ABCD3: variants seen among roughly 807,000 people sequenced by gnomAD.
ABCD3 encodes ATP binding cassette subfamily D member 3, also known as ATP-binding cassette sub-family D member 3.
ABCD3 carries 41 observed loss-of-function variants against 105.5 expected under a neutral mutation model. The ratio of observed to expected loss-of-function variants is 0.39; its 90% CI spans 0.30 to 0.50. The LOEUF (loss-of-function observed/expected upper bound fraction) is 0.50, where lower values mean the gene tolerates loss of function less well. Among genes scored for constraint, ABCD3 ranks in the 20% least tolerant of loss-of-function variants. The pLI is 0.84. For missense variants in ABCD3, 622 were observed against 806.3 expected (o/e 0.77, Z 2.77); for synonymous variants, 258 against 269.0 (o/e 0.96, Z 0.40).
At chr1:94,408,254 T>A in the ABCD3 span, among the ~76,000 whole-genome samples, 2 of 152,040 alleles carry the variant, frequency 1.3e-5, no homozygotes, top group Non-Finnish European at 2.9e-5. Context: ...AAAGACAATA[T>A]ACACCGGGAT....
rs1485714419 is a variant in ABCD3 at position 94,464,885 on chromosome 1, G to T, written c.246+12G>T. 1 of 1,598,794 alleles carries T rather than the reference G, an allele frequency of 6.3e-7. No homozygotes were observed. The highest frequency in any genetic ancestry group is 1.7e-5 in the Admixed American group (1 of 59,962). On this transcript the variant is annotated intron_variant, in intron 3 of 22. Transcript: ENST00000370214. Reference sequence around the variant, plus strand: ...CATTTTGTAAAGAGGTAAGTCTTATGAAATTATAATCTTAAGTATATTGGG... The same window carrying T: ...CATTTTGTAAAGAGGTAAGTCTTATTAAATTATAATCTTAAGTATATTGGG...
chr1:94,400,571 G>C, the ABCD3 span, among the ~76,000 whole-genome samples: 4 of 152,154 alleles, frequency 2.6e-5, no homozygotes, highest in Non-Finnish European at 5.9e-5. Flanking sequence ...AGGCAAAAGA[G>C]AGCAGGAGAA....
intron 1 of ABCD3, among the ~76,000 whole-genome samples, chr1:94,443,969 A>G (rs1207047102): frequency 6.6e-6 from 1 of 152,116 alleles, no homozygotes; most frequent in Non-Finnish European, 1.5e-5. Context: ...AATTTTTCCC[A>G]AAATTAAACT....
chr1:94,432,514 G>C (rs1451598669), intron 1 of ABCD3: 1 of 152,118 alleles, frequency 6.6e-6, no homozygotes, highest in East Asian at 1.9e-4. Context: ...TTTAGACATT[G>C]TTCTAAATGT....
In ABCD3 at chr1:94,487,805, A is replaced by T; in HGVS notation, c.1065+14A>T. ...GAACTTCTAGAGGTAAACTGATGAT[A>T]ATACAATGAAAATGTAACAGTAAAA... On this transcript the variant is annotated intron_variant, in intron 12 of 22. Coordinates refer to ENST00000370214, the MANE Select transcript of ABCD3 (RefSeq NM_002858.4). The T allele has an allele frequency of 6.2e-7, 1 of 1,612,750 alleles. No homozygotes were observed. The highest frequency in any genetic ancestry group is 8.5e-7 in the Non-Finnish European group (1 of 1,178,800).
At chr1:94,424,816 T>C (rs1659400876) in intron 1 of ABCD3, among the ~76,000 whole-genome samples, 1 of 152,244 alleles carries the variant, frequency 6.6e-6, no homozygotes, top group African/African-American at 2.4e-5. Context: ...ATATTTATCT[T>C]GTCTGTTGTA....
intron 21 of ABCD3, among the ~76,000 whole-genome samples, chr1:94,510,945 A>G (rs1301450467): frequency 6.6e-6 from 1 of 152,142 alleles, no homozygotes; most frequent in Non-Finnish European, 1.5e-5. Flanking sequence ...CTCCTTATCC[A>G]ATTTGCCAGT....
At chr1:94,504,997 G>A (rs1650279483) in intron 20 of ABCD3, among the ~76,000 whole-genome samples, 1 of 152,072 alleles carries the variant, frequency 6.6e-6, no homozygotes, top group African/African-American at 2.4e-5. Context: ...AGACCAGGGA[G>A]GACTCCTGGC....
chr1:94,413,683 A>G (rs967089468), upstream of ABCD3, among the ~76,000 whole-genome samples: 3 of 152,034 alleles, frequency 2.0e-5, no homozygotes, highest in Non-Finnish European at 4.4e-5. Context: ...TCCATTTCTA[A>G]TTGGTAAGAG....
In ABCD3 at chr1:94,491,230, C is replaced by G. The variant is rs1228341414; in HGVS notation, c.1369C>G (p.Arg457Gly). 1.9e-6 allele frequency: 3 copies of G among 1,610,934 alleles called. No homozygotes were observed. The highest frequency in any genetic ancestry group is 1.1e-5 in the South Asian group (1 of 90,868). Residue 457 changes from arginine (R) to glycine (G), a missense_variant, in exon 16 of 23, where the codon CGA becomes GGA. Arg to Gly is a moderately radical substitution (Grantham distance 125, BLOSUM62 -2). Transcript: ENST00000370214. ...AACGCCAAATGGAGATGTTTTGATC[C>G]GAGACCTTAATTTTGAAGTAAGTTT... is the stretch of plus-strand genomic sequence containing the variant. The part of the protein sequence containing the change: ...LATPNGDVLI[R>G]DLNFEVRSGA...
intron 10 of ABCD3, among the ~76,000 whole-genome samples, chr1:94,486,166 T>C (rs948903657): frequency 1.3e-5 from 2 of 152,146 alleles, no homozygotes; most frequent in African/African-American, 4.8e-5. Context: ...CACTCCAGCC[T>C]TGGCGACAGA....
At chr1:94,391,555 G>C in the ABCD3 span, among the ~76,000 whole-genome samples, 2 of 152,020 alleles carry the variant, frequency 1.3e-5, no homozygotes, top group Admixed American at 6.6e-5. Context: ...CAATTCCATG[G>C]CAATATCTTC....
intron 8 of ABCD3, among the ~76,000 whole-genome samples, chr1:94,479,947 G>A (rs563594500): frequency 6.6e-6 from 1 of 152,078 alleles, no homozygotes; most frequent in Admixed American, 6.6e-5. Context: ...AGCTCGTTCA[G>A]GGGGAGCTGA....
chr1:94,440,670 C>G (rs904510804), intron 1 of ABCD3, among the ~76,000 whole-genome samples: 2 of 152,196 alleles, frequency 1.3e-5, no homozygotes, highest in Admixed American at 6.5e-5. Context: ...TATTACTTCA[C>G]TCTGCTACCT....
the ABCD3 span, among the ~76,000 whole-genome samples, chr1:94,390,295 A>G: frequency 6.6e-6 from 1 of 151,562 alleles, no homozygotes; most frequent in Non-Finnish European, 1.5e-5. Flanking sequence ...AATTTTTTTT[A>G]TTTTTATTTA....
rs184428293 is a variant in ABCD3, at chr1:94,509,721, G to C, written c.1845+3079G>C. On this transcript the variant is annotated intron_variant, in intron 21 of 22. Transcript: ENST00000370214. ...TTCTTCCTGGTTTAGTCTTGGGAGT[G>C]TGTATGTGTCGAGGAATTTATCCAT... is the stretch of plus-strand genomic sequence containing the variant. 1.1e-4 allele frequency among the ~76,000 whole-genome samples: 16 copies of C among 152,312 alleles called. No individual in the cohort carries two copies. In the East Asian group the frequency reaches 3.1e-3, roughly 29 times the overall value.
At chr1:94,479,072 A>T (rs887443260) in intron 8 of ABCD3, among the ~76,000 whole-genome samples, 11 of 152,176 alleles carry the variant, frequency 7.2e-5, no homozygotes, top group African/African-American at 2.4e-4. Flanking sequence ...TTGATTAATA[A>T]ATTATTTCCA....
chr1:94,509,343 G>A (rs1424192606), intron 21 of ABCD3, among the ~76,000 whole-genome samples: 1 of 152,220 alleles, frequency 6.6e-6, no homozygotes, highest in East Asian at 1.9e-4. Flanking sequence ...AAGCCCAGTT[G>A]ATCATGGTGG....
chr1:94,447,811 A>C (rs535071839), intron 1 of ABCD3, among the ~76,000 whole-genome samples: 109 of 152,368 alleles, frequency 7.2e-4, no homozygotes, highest in African/African-American at 2.5e-3. Context: ...ATTGTGCCAC[A>C]GAAAGTAGCC....
Sources: allele counts gnomAD v4.1 joint callset (sites outside exome capture counted in the v4.1 genomes callset), GRCh38; gene constraint gnomAD v4.1.1; transcripts MANE v1.5; gene names NCBI Gene and HGNC (gene_info 2026-07-23, HGNC 2026-07-21).